SOX5: variants seen among roughly 807,000 people sequenced by gnomAD.
SOX5 encodes the protein SRY-box transcription factor 5.
In SOX5, 9 loss-of-function variants were observed where a neutral mutation model predicts 92.0. That is an observed-to-expected ratio of 0.10 (90% CI 0.06 to 0.17). The LOEUF (loss-of-function observed/expected upper bound fraction) is 0.17, where lower values mean the gene tolerates loss of function less well. SOX5 is among the 10% of genes least tolerant of loss of function. The pLI is 1.00. For synonymous variants in SOX5, 344 were observed against 336.3 expected, an observed-to-expected ratio of 1.02 and a Z score of -0.25; for missense variants, 642 against 944.5, an observed-to-expected ratio of 0.68 and a Z score of 4.20.
At chr12:23,999,140 C>CTGTGTG (rs1384723605) in intron 4 of SOX5, among the ~76,000 whole-genome samples, 15,499 of 141,186 alleles carry the variant, frequency 0.11, 1,055 homozygotes, top group African/African-American at 0.17. Context: ...AAAAAAGACT[C>CTGTGTG]TGTGTGTGTG....
At chr12:23,865,908 T>C (rs1490817947) in intron 2 of SOX5, among the ~76,000 whole-genome samples, 1 of 152,194 alleles carries the variant, frequency 6.6e-6, no homozygotes. Context: ...AAGACTTCAG[T>C]GGAGGAAATT....
chr12:24,210,450 T>C (rs1958481365), intron 4 of SOX5, among the ~76,000 whole-genome samples: 2 of 152,220 alleles, frequency 1.3e-5, no homozygotes, highest in Non-Finnish European at 2.9e-5. Context: ...GTCTCATGGA[T>C]TGGGATAATT....
chr12:23,715,859 A>G (rs1432601509), intron 6 of SOX5, among the ~76,000 whole-genome samples: 2 of 151,912 alleles, frequency 1.3e-5, no homozygotes, highest in Non-Finnish European at 2.9e-5. Flanking sequence ...TAGCTAACAA[A>G]TCAGTTAACA....
chr12:23,900,381 A>G (rs959535223), intron 1 of SOX5, among the ~76,000 whole-genome samples: 1 of 152,184 alleles, frequency 6.6e-6, no homozygotes, highest in Non-Finnish European at 1.5e-5. Context: ...AAGGCTGTCC[A>G]TATGCCTTAT....
chr12:24,215,360 A>T (rs1417638537), intron 3 of SOX5, among the ~76,000 whole-genome samples: 1 of 152,148 alleles, frequency 6.6e-6, no homozygotes, highest in Non-Finnish European at 1.5e-5. Context: ...ATCTTAAGGA[A>T]GTAATTAAAA....
chr12:23,596,594 G>C (rs1952497823), intron 9 of SOX5, among the ~76,000 whole-genome samples: 1 of 152,154 alleles, frequency 6.6e-6, no homozygotes, highest in South Asian at 2.1e-4. Flanking sequence ...AAAAGGAGTT[G>C]ATTATTGACA....
intron 4 of SOX5, among the ~76,000 whole-genome samples, chr12:24,115,270 G>C (rs868614940): frequency 9.2e-5 from 14 of 152,220 alleles, no homozygotes; most frequent in Admixed American, 2.6e-4. Flanking sequence ...ATACCGATTA[G>C]AGAAACAACT....
At chr12:24,408,927 G>A (rs111679511) in intron 1 of SOX5, among the ~76,000 whole-genome samples, 3,354 of 152,248 alleles carry the variant, frequency 0.022, 75 homozygotes, top group Admixed American at 0.069. Context: ...GTGATTCCTC[G>A]AGAATCTAGA....
chr12:24,425,637 C>T (rs776887027), intron 1 of SOX5, among the ~76,000 whole-genome samples: 1 of 152,142 alleles, frequency 6.6e-6, no homozygotes, highest in African/African-American at 2.4e-5. Flanking sequence ...AGACAATTTT[C>T]CCCCAAATAG....
At chr12:24,340,250 A>G (rs572469292) in intron 2 of SOX5, among the ~76,000 whole-genome samples, 2 of 152,360 alleles carry the variant, frequency 1.3e-5, no homozygotes, top group Non-Finnish European at 2.9e-5. Context: ...TCATTACTGA[A>G]TAATCTGCTT....
chr12:24,243,620 G>A (rs549501802), intron 3 of SOX5, among the ~76,000 whole-genome samples: 3 of 151,956 alleles, frequency 2.0e-5, no homozygotes, highest in South Asian at 2.1e-4. Context: ...TTCTAAAACC[G>A]TACATTGCCT....
intron 3 of SOX5, among the ~76,000 whole-genome samples, chr12:23,816,312 C>A (rs569404543): frequency 6.6e-6 from 1 of 151,262 alleles, no homozygotes; most frequent in East Asian, 2.0e-4. Flanking sequence ...AGGGTTCAAG[C>A]GATTCTCCTG....
intron 9 of SOX5, among the ~76,000 whole-genome samples, chr12:23,586,980 C>T (rs1030507752): frequency 1.3e-5 from 2 of 150,954 alleles, no homozygotes; most frequent in Non-Finnish European, 3.0e-5. Context: ...AAAAGAAATG[C>T]TGATTTTATA....
At chr12:24,100,143 A>G (rs1945911905) in intron 4 of SOX5, among the ~76,000 whole-genome samples, 1 of 152,098 alleles carries the variant, frequency 6.6e-6, no homozygotes, top group South Asian at 2.1e-4. Flanking sequence ...TTACTGGATC[A>G]TGGAAAATAG....
At chr12:23,707,072 T>A (rs943542231) in intron 6 of SOX5, among the ~76,000 whole-genome samples, 1 of 152,158 alleles carries the variant, frequency 6.6e-6, no homozygotes, top group African/African-American at 2.4e-5. Context: ...AGATTTCCTA[T>A]TAGTGCAGTT....
At chr12:24,263,077 T>A (rs1256348853) in intron 3 of SOX5, among the ~76,000 whole-genome samples, 1 of 151,046 alleles carries the variant, frequency 6.6e-6, no homozygotes, top group Admixed American at 6.6e-5. Context: ...AAGGAAAAAA[T>A]TAGCCGGACA....
At chr12:23,871,226 T>C (rs2136781832) in intron 2 of SOX5, among the ~76,000 whole-genome samples, 1 of 152,306 alleles carries the variant, frequency 6.6e-6, no homozygotes, top group South Asian at 2.1e-4. Context: ...ACTCTCTTAC[T>C]GTCTGAATGA....
At chr12:23,905,097 A>C (rs1052165919) in intron 1 of SOX5, among the ~76,000 whole-genome samples, 9 of 152,256 alleles carry the variant, frequency 5.9e-5, no homozygotes, top group African/African-American at 2.2e-4. Context: ...CTTCTTTACT[A>C]CTAGTTGGAC....
intron 4 of SOX5, among the ~76,000 whole-genome samples, chr12:23,753,788 C>G (rs1433208792): frequency 6.6e-6 from 1 of 151,722 alleles, no homozygotes; most frequent in African/African-American, 2.4e-5. Flanking sequence ...TCACTTACCC[C>G]CAGAGGGCAA....
Sources: allele counts gnomAD v4.1 joint callset (sites outside exome capture counted in the v4.1 genomes callset), GRCh38; gene constraint gnomAD v4.1.1; transcripts MANE v1.5; gene names NCBI Gene and HGNC (gene_info 2026-07-23, HGNC 2026-07-21).